LCA5: variants seen among roughly 807,000 people sequenced by gnomAD.
LCA5 encodes the protein lebercilin.
LCA5 carries 37 observed loss-of-function variants against 53.0 expected under a neutral mutation model. The ratio of observed to expected loss-of-function variants is 0.70; its 90% CI spans 0.54 to 0.92. The LOEUF is 0.92. Among genes scored for constraint, LCA5 ranks in the 40% least tolerant of loss-of-function variants. The pLI, the probability that LCA5 is intolerant of heterozygous loss-of-function variation, is 0.00. For missense variants in LCA5, 806 were observed against 790.5 expected (o/e 1.02, Z -0.23); for synonymous variants, 303 against 282.9 (o/e 1.07, Z -0.71).
In LCA5 at chr6:79,491,594, A is replaced by G. The variant is rs778648465; in HGVS notation, c.1092T>C (p.Leu364=). ...YENKWEEPGH[L]TLDLQSQKQD... ...ACAATACTGCTAAACTCACCAAAGT[A>G]AGATGTCCTGGTTCTTCCCATTTGT... Residue 364 remains leucine, a synonymous_variant, in exon 6 of 8, where the codon CTT becomes CTC. Coordinates refer to ENST00000369846, the MANE Select transcript of LCA5 (RefSeq NM_001122769.3). The G allele has an allele frequency of 1.2e-6, 2 of 1,612,920 alleles. No individual in the cohort carries two copies. Among genetic ancestry groups the G allele is most frequent in the South Asian group, 1.1e-5 (1 of 91,070 alleles).
chr6:79,502,483 C>T (rs1770167541), intron 3 of LCA5, among the ~76,000 whole-genome samples: 1 of 151,942 alleles, frequency 6.6e-6, no homozygotes, highest in Non-Finnish European at 1.5e-5. Flanking sequence ...TTTTGTCTTC[C>T]AACATAGATT....
At chr6:79,493,014 T>TC (rs1462414107) in intron 4 of LCA5, among the ~76,000 whole-genome samples, 1 of 152,076 alleles carries the variant, frequency 6.6e-6, no homozygotes, top group African/African-American at 2.4e-5. Flanking sequence ...GACCACTCTT[T>TC]CATACACAGG....
intron 6 of LCA5, 79 bp from the exon 7 acceptor site, chr6:79,489,295 A>C (rs1769771117): frequency 1.4e-6 from 2 of 1,391,466 alleles, no homozygotes; most frequent in Non-Finnish European, 2.0e-6. Context: ...TTATCCATTA[A>C]ACATGATTAC....
chr6:79,532,150 T>A (rs1426238060), intron 1 of LCA5, among the ~76,000 whole-genome samples: 4 of 152,132 alleles, frequency 2.6e-5, no homozygotes, highest in Non-Finnish European at 5.9e-5. Context: ...TCTTCCTACA[T>A]CTCTCATCCA....
intron 3 of LCA5, among the ~76,000 whole-genome samples, chr6:79,507,331 T>C (rs570367187): frequency 3.3e-4 from 50 of 152,266 alleles, no homozygotes; most frequent in Middle Eastern, 3.4e-3. Flanking sequence ...CTAAGTGAAT[T>C]AAGACAAATT....
intron 1 of LCA5, among the ~76,000 whole-genome samples, chr6:79,523,335 T>C (rs1245189808): frequency 6.6e-6 from 1 of 151,904 alleles, no homozygotes; most frequent in African/African-American, 2.4e-5. Flanking sequence ...AAAAATTGTC[T>C]AGAAAAAAAG....
rs1414684440 is a variant in LCA5, at chr6:79,487,824, GC to G, written c.1273del (p.Ala425HisfsTer19). 6.2e-7 allele frequency: 1 copy of G among 1,608,228 alleles called. No individual in the cohort carries two copies. The highest frequency in any genetic ancestry group is 1.3e-5 in the African/African-American group (1 of 74,446). On this transcript the variant is annotated frameshift_variant, in exon 8 of 8. Coordinates refer to ENST00000369846, the MANE Select transcript of LCA5 (RefSeq NM_001122769.3). LOFTEE classifies it low-confidence loss of function (END_TRUNC). ...CTTTTCTTCTCTTTCCAGTAAAGAT[GC>G]CTTTTCTTTTTGCTTTTTATCAAGT... ...EELDKKQKEK[A>X]SLLEREEKPE...
At chr6:79,494,246 T>C (rs1769920258) in intron 3 of LCA5, among the ~76,000 whole-genome samples, 1 of 149,004 alleles carries the variant, frequency 6.7e-6, no homozygotes, top group Non-Finnish European at 1.5e-5. Context: ...AAAAAAAAAA[T>C]CTTAAGCACA....
At chr6:79,529,083 A>G (rs192034966) in intron 1 of LCA5, among the ~76,000 whole-genome samples, 6 of 152,346 alleles carry the variant, frequency 3.9e-5, no homozygotes, top group African/African-American at 1.4e-4. Context: ...GAGTCTTAAC[A>G]GCAGTGGGAT....
At position 79,487,143 on chromosome 6, in the gene LCA5, T is replaced by C. The variant is rs778742366; in HGVS notation, c.1955A>G (p.Asp652Gly). The change falls in exon 8 of 8, where the codon GAT becomes GGT. Residue 652 changes from aspartate (D) to glycine (G), a missense_variant. Asp to Gly is a moderately conservative substitution (Grantham distance 94). Coordinates refer to ENST00000369846, the MANE Select transcript of LCA5 (RefSeq NM_001122769.3). ...ACTGAGGAAAAAGCCTTCATCTTCA[T>C]CATGTTCTTGATCTCTGCTGCCTTT... ...GNKGSRDQEH[D>G]EDEGFFLSEG... The C allele has an allele frequency of 6.2e-7, 1 of 1,613,894 alleles. No individual in the cohort carries two copies. Among genetic ancestry groups the C allele is most frequent in the African/African-American group, 1.3e-5 (1 of 74,910 alleles).
At chr6:79,535,894 G>T (rs960346771) in intron 1 of LCA5, among the ~76,000 whole-genome samples, 3 of 152,160 alleles carry the variant, frequency 2.0e-5, no homozygotes, top group African/African-American at 4.8e-5. Context: ...TCCCACAAAG[G>T]AGTTGAAGAA....
chr6:79,522,837 C>T (rs981438369), intron 1 of LCA5, among the ~76,000 whole-genome samples: 14 of 151,988 alleles, frequency 9.2e-5, no homozygotes, highest in African/African-American at 2.2e-4. Context: ...TGCGCCACCA[C>T]GCCCAGCCCT....
chr6:79,532,366 A>G (rs1766983887), intron 1 of LCA5, among the ~76,000 whole-genome samples: 1 of 152,136 alleles, frequency 6.6e-6, no homozygotes, highest in South Asian at 2.1e-4. Context: ...AGTGAGAAAA[A>G]GCAACTTAAA....
chr6:79,530,019 T>G (rs1766911332), intron 1 of LCA5, among the ~76,000 whole-genome samples: 1 of 151,278 alleles, frequency 6.6e-6, no homozygotes, highest in African/African-American at 2.4e-5. Flanking sequence ...GACGAGTTAA[T>G]GGGTGCAGCA....
chr6:79,509,011 G>A (rs1388092594), intron 3 of LCA5, among the ~76,000 whole-genome samples: 1 of 152,144 alleles, frequency 6.6e-6, no homozygotes, highest in Non-Finnish European at 1.5e-5. Context: ...AAAAACCAGA[G>A]GCTGCATTTA....
At chr6:79,509,509 C>A (rs796534564) in intron 3 of LCA5, among the ~76,000 whole-genome samples, 13 of 146,130 alleles carry the variant, frequency 8.9e-5, no homozygotes, top group African/African-American at 3.3e-4. Flanking sequence ...TTGATTCCAA[C>A]ATAATGTCAA....
intron 2 of LCA5, among the ~76,000 whole-genome samples, chr6:79,514,447 C>T (rs182122774): frequency 7.2e-5 from 11 of 152,086 alleles, no homozygotes; most frequent in Admixed American, 2.0e-4. Context: ...CTGTGAAAGA[C>T]AGTGTGGCAA....
chr6:79,491,861 T>C lies in LCA5; in HGVS notation c.956-131A>G, dbSNP rs146580322. Reference sequence around the variant, plus strand: ...ATGTACATTTATATGCACCACTTCATTTAAATGGAGAATATATATATTCAC... The same window carrying C: ...ATGTACATTTATATGCACCACTTCACTTAAATGGAGAATATATATATTCAC... On this transcript the variant is annotated intron_variant, in intron 5 of 7. Transcript: ENST00000369846. The C allele has an allele frequency of 2.2e-3, 1,569 of 720,588 alleles. 22 individuals are homozygous for C. In the African/African-American group the frequency reaches 0.025, roughly 11 times the overall value. The allele number at this position is 720,588 out of a possible 1,614,324, so 44.6% of individuals were successfully genotyped here. A position where few individuals can be genotyped will look rare whatever the true frequency, so the allele number is the denominator to read the frequency against.
At chr6:79,525,764 TTTGTAACTAACAACTGACC>T (rs66696304) in intron 1 of LCA5, among the ~76,000 whole-genome samples, 27,111 of 152,148 alleles carry the variant, frequency 0.18, 3,415 homozygotes, top group East Asian at 0.59. Context: ...GAAAGTTAAC[TTTGTAACTAACAACTGACC>T]TTGCAGGCCA....
Sources: gnomAD v4.1 joint callset for allele counts (sites outside exome capture counted in the v4.1 genomes callset) on GRCh38, gnomAD v4.1.1 for gene constraint, MANE v1.5 for transcripts, NCBI Gene and HGNC (gene_info 2026-07-23, HGNC 2026-07-21) for gene names.